Variants in ATRNL1 observed in about 807,000 individuals in gnomAD.
The protein encoded by ATRNL1 is attractin like 1.
Under a neutral mutation model 182.7 loss-of-function variants are expected in ATRNL1, and 95 were observed. That is an observed-to-expected ratio of 0.52 (90% confidence interval 0.44 to 0.62). The LOEUF is 0.62. ATRNL1 is among the 20% of genes least tolerant of loss of function. The pLI is 0.00. For synonymous variants in ATRNL1, 576 were observed against 568.3 expected, an observed-to-expected ratio of 1.01 and a Z score of -0.19; for missense variants, 1,471 against 1,679.5, an observed-to-expected ratio of 0.88 and a Z score of 2.17.
At chr10:115,331,025 T>A (rs1371186944) in intron 18 of ATRNL1, among the ~76,000 whole-genome samples, 2 of 151,660 alleles carry the variant, frequency 1.3e-5, no homozygotes, top group African/African-American at 4.8e-5. Context: ...AATCAGTGAT[T>A]CTTCTGCTTT....
intron 26 of ATRNL1, among the ~76,000 whole-genome samples, chr10:115,667,769 A>G (rs781840420): frequency 3.3e-5 from 5 of 151,514 alleles, no homozygotes; most frequent in Middle Eastern, 3.2e-3. Flanking sequence ...TGATCCTCCT[A>G]CCTTAGCCTC....
At position 115,946,211 on chromosome 10, in the gene ATRNL1, T is replaced by G. The variant is rs1184150049; in HGVS notation, c.*1432T>G. On this transcript the variant is annotated 3_prime_UTR_variant, in exon 29 of 29. Coordinates refer to ENST00000355044, the MANE Select transcript of ATRNL1 (RefSeq NM_207303.4). ...TTGATGTTTAGTACTATATATGTAC[T>G]TTTCACATTCTTTGGATTTCTGGAA... 2.0e-5 allele frequency: 3 copies of G among 152,234 alleles called. No homozygotes were observed. The highest frequency in any genetic ancestry group is 4.4e-5 in the Non-Finnish European group (3 of 68,030). The allele number at this position is 152,234 out of a possible 1,614,324, so 9.4% of individuals were successfully genotyped here. A position where few individuals can be genotyped will look rare whatever the true frequency, so the allele number is the denominator to read the frequency against.
Position 115,131,288 on chromosome 10 carries a change from G to T in ATRNL1, c.829+1753G>T, listed in dbSNP as rs188052334. On this transcript the variant is annotated intron_variant, in intron 5 of 28. Transcript: ENST00000355044. ...TAACTACATATATATTTTATATGGA[G>T]AATAGTGTGAAAGTGCTTTGTAAAT... is the stretch of plus-strand genomic sequence containing the variant. Among the ~76,000 whole-genome samples the T allele has an allele frequency of 4.6e-5, 7 of 152,118 alleles. No individual in the cohort carries two copies. The East Asian group carries it at 1.4e-3, about 29-fold the overall frequency.
chr10:115,094,186 G>C (rs983821413), intron 1 of ATRNL1, 143 bp downstream of exon 1: 5 of 885,822 alleles, frequency 5.6e-6, no homozygotes, highest in South Asian at 8.7e-5. Context: ...CGGCGGGAGC[G>C]GGCGAGAGTG....
chr10:115,293,655 G>A (rs1853033679), intron 15 of ATRNL1, among the ~76,000 whole-genome samples: 1 of 152,062 alleles, frequency 6.6e-6, no homozygotes, highest in Non-Finnish European at 1.5e-5. Flanking sequence ...TAGTCTATTG[G>A]TGATTAATTT....
chr10:115,840,375 C>T (rs769309922), intron 27 of ATRNL1, among the ~76,000 whole-genome samples: 13 of 152,070 alleles, frequency 8.5e-5, no homozygotes, highest in Middle Eastern at 3.2e-3. Flanking sequence ...ATTCTTCATA[C>T]GGAACAAAGA....
At chr10:115,840,077 G>A (rs1950767953) in intron 27 of ATRNL1, among the ~76,000 whole-genome samples, 1 of 152,102 alleles carries the variant, frequency 6.6e-6, no homozygotes, top group African/African-American at 2.4e-5. Context: ...TCAGTCTTAG[G>A]TGCCAGGGAA....
chr10:115,878,108 G>C (rs1951740230), intron 28 of ATRNL1, among the ~76,000 whole-genome samples: 1 of 152,230 alleles, frequency 6.6e-6, no homozygotes, highest in South Asian at 2.1e-4. Flanking sequence ...GGGCTCTGCA[G>C]ATCTAGTTTG....
intron 28 of ATRNL1, among the ~76,000 whole-genome samples, chr10:115,929,469 T>G (rs1425497341): frequency 6.6e-6 from 1 of 152,108 alleles, no homozygotes; most frequent in East Asian, 1.9e-4. Flanking sequence ...AAATTTAAAC[T>G]GAAACATATC....
chr10:115,501,016 C>T (rs1849807500), intron 24 of ATRNL1, among the ~76,000 whole-genome samples: 1 of 144,196 alleles, frequency 6.9e-6, no homozygotes, highest in Non-Finnish European at 1.5e-5. Context: ...GCAACCTCTG[C>T]CTCCTGGATT....
At chr10:115,925,337 A>T (rs1953194105) in intron 28 of ATRNL1, among the ~76,000 whole-genome samples, 1 of 152,126 alleles carries the variant, frequency 6.6e-6, no homozygotes, top group African/African-American at 2.4e-5. Context: ...GACACTATGA[A>T]GAAACTGAAT....
chr10:115,659,274 T>C (rs1860527084), intron 26 of ATRNL1, among the ~76,000 whole-genome samples: 1 of 152,118 alleles, frequency 6.6e-6, no homozygotes, highest in African/African-American at 2.4e-5. Flanking sequence ...AAATAATCCT[T>C]TTGTGAACCT....
At chr10:115,598,364 T>TATTC (rs1296512206) in intron 26 of ATRNL1, among the ~76,000 whole-genome samples, 7 of 150,204 alleles carry the variant, frequency 4.7e-5, no homozygotes, top group African/African-American at 7.3e-5. Context: ...TTTATTTATT[T>TATTC]ATTTATTTAT....
At chr10:115,556,056 T>C (rs2804240) in intron 26 of ATRNL1, among the ~76,000 whole-genome samples, 1 of 151,786 alleles carries the variant, frequency 6.6e-6, no homozygotes, top group Non-Finnish European at 1.5e-5. Flanking sequence ...ACTTTAGAGA[T>C]AGCCTGAGTT....
At chr10:115,097,952 C>A (rs981830159) in intron 1 of ATRNL1, among the ~76,000 whole-genome samples, 7 of 151,858 alleles carry the variant, frequency 4.6e-5, no homozygotes, top group Admixed American at 3.3e-4. Context: ...ACAACAACAA[C>A]AAAAAACAAA....
chr10:115,204,116 A>G (rs1052918169), intron 8 of ATRNL1, among the ~76,000 whole-genome samples: 42 of 152,030 alleles, frequency 2.8e-4, no homozygotes, highest in African/African-American at 9.9e-4. Flanking sequence ...GTTAGCATAT[A>G]AAAATGCTAC....
chr10:115,694,695 A>T (rs1193265201), intron 26 of ATRNL1, among the ~76,000 whole-genome samples: 2 of 152,092 alleles, frequency 1.3e-5, no homozygotes, highest in African/African-American at 4.8e-5. Flanking sequence ...CAACTAACAA[A>T]ATTGTAGTGG....
At chr10:115,803,949 A>C (rs143017444) in intron 27 of ATRNL1, among the ~76,000 whole-genome samples, 1 of 152,300 alleles carries the variant, frequency 6.6e-6, no homozygotes, top group Non-Finnish European at 1.5e-5. Flanking sequence ...AATAATTAGT[A>C]ATTGTTATGC....
intron 15 of ATRNL1, among the ~76,000 whole-genome samples, chr10:115,288,907 TA>T (rs35498847): frequency 0.21 from 31,985 of 152,126 alleles, 4,266 homozygotes; most frequent in Non-Finnish European, 0.3. Context: ...TGAAATTTTT[TA>T]GTTCCTTATA....
Sources: allele counts gnomAD v4.1 joint callset (sites outside exome capture counted in the v4.1 genomes callset), GRCh38; gene constraint gnomAD v4.1.1; transcripts MANE v1.5; gene names NCBI Gene and HGNC (gene_info 2026-07-23, HGNC 2026-07-21).